LYZL2: variants seen among roughly 807,000 people sequenced by gnomAD.
LYZL2 encodes the protein lysozyme like 2.
LYZL2 carries 13 observed loss-of-function variants against 17.1 expected under a neutral mutation model. The ratio of observed to expected loss-of-function variants is 0.76; its 90% confidence interval spans 0.49 to 1.21. LYZL2 has a LOEUF of 1.21. LYZL2 is among the 50% of genes most tolerant of loss of function. The pLI is 0.00. For missense variants in LYZL2, 166 were observed against 189.2 expected, an observed-to-expected ratio of 0.88 and a Z score of 0.72; for synonymous variants, 63 against 74.4, an observed-to-expected ratio of 0.85 and a Z score of 0.79.
chr10:30,612,766 T>C lies in LYZL2; in HGVS notation c.377+56A>G, dbSNP rs1052166595. On this transcript the variant is annotated intron_variant, in intron 4 of 4. Transcript: ENST00000647634. ...TCAATTCCACCATAACTGTGATAAA[T>C]ACACACACTAGGTTTTGCCCATGAC... The C allele has an allele frequency of 2.2e-6, 3 of 1,345,562 alleles. No individual in the cohort carries two copies. In the African/African-American group the frequency reaches 4.4e-5, roughly 20 times the overall value. The allele number at this position is 1,345,562 out of a possible 1,614,324, so 83.4% of individuals were successfully genotyped here.
At position 30,629,745 on chromosome 10, in the gene LYZL2, T is replaced by C. The variant is rs113398875; in HGVS notation, c.-178A>G. 4.6e-5 allele frequency: 73 copies of C among 1,572,568 alleles called. 1 individual carries two copies. In the African/African-American group the frequency reaches 6.8e-4, roughly 15 times the overall value. ...TCTGATTCTAACAAGGCTCGAGTAATCCTTTCCTAGCTCAAGAACCTTTCT... is the reference window on the plus strand; with the variant it reads ...TCTGATTCTAACAAGGCTCGAGTAACCCTTTCCTAGCTCAAGAACCTTTCT... On this transcript the variant is annotated 5_prime_UTR_variant, in exon 1 of 5. Transcript: ENST00000647634.
In LYZL2 at chr10:30,629,586, G is replaced by C. The variant is rs536009319; in HGVS notation, c.-26+7C>G. ...AGGTGGCTTCATAAGAGTAATTTAG[G>C]TCTTACTGAAAAGGCAGATTCCTGG... On this transcript the variant is annotated splice_region_variant and intron_variant, in intron 1 of 4. Transcript: ENST00000647634. The C allele has an allele frequency of 3.8e-4, 618 of 1,613,784 alleles. 5 individuals are homozygous for C. In the South Asian group the frequency reaches 6.5e-3, roughly 17 times the overall value.
intron 3 of LYZL2, 112 bp from the exon 4 acceptor site, chr10:30,613,012 A>T: frequency 1.3e-6 from 1 of 754,786 alleles, no homozygotes; most frequent in Non-Finnish European, 2.2e-6. Flanking sequence ...GGTTGGAAGA[A>T]CTATAATTTT....
At chr10:30,615,722 A>T (rs1838517248) in intron 3 of LYZL2, among the ~76,000 whole-genome samples, 1 of 152,222 alleles carries the variant, frequency 6.6e-6, no homozygotes, top group African/African-American at 2.4e-5. Flanking sequence ...AATATAAAAA[A>T]TTGTAATTAA....
At chr10:30,625,555 T>C (rs1838688785) in intron 3 of LYZL2, among the ~76,000 whole-genome samples, 1 of 151,754 alleles carries the variant, frequency 6.6e-6, no homozygotes, top group African/African-American at 2.4e-5. Context: ...TAAAAATAGC[T>C]GGGCATATGC....
chr10:30,611,558 G>GGAAGGAAGGAAT (rs1838435693), downstream of LYZL2, among the ~76,000 whole-genome samples: 1 of 75,284 alleles, frequency 1.3e-5, no homozygotes, highest in Admixed American at 1.4e-4. Flanking sequence ...AAGGAAGGAA[G>GGAAGGAAGGAAT]GAAGGAAGGA....
At chr10:30,617,704 GA>G (rs1838556603) in intron 3 of LYZL2, among the ~76,000 whole-genome samples, 1 of 110,422 alleles carries the variant, frequency 9.1e-6, no homozygotes. Flanking sequence ...AAAAAGAAAA[GA>G]AAAAGAAAAA....
chr10:30,622,467 T>A (rs1329766369), intron 3 of LYZL2, among the ~76,000 whole-genome samples: 1 of 151,618 alleles, frequency 6.6e-6, no homozygotes, highest in Non-Finnish European at 1.5e-5. Context: ...AAGAATCACT[T>A]GAACCCAGGA....
chr10:30,610,187 C>A (rs1326015482), downstream of LYZL2, among the ~76,000 whole-genome samples: 1 of 151,744 alleles, frequency 6.6e-6, no homozygotes, highest in African/African-American at 2.4e-5. Flanking sequence ...TGTGTTGGGC[C>A]ACATTTAAAG....
At chr10:30,624,660 G>A (rs1004171746) in intron 3 of LYZL2, among the ~76,000 whole-genome samples, 2 of 152,194 alleles carry the variant, frequency 1.3e-5, no homozygotes, top group Admixed American at 6.5e-5. Flanking sequence ...TATACTCTAG[G>A]TGGCTAGAAC....
downstream of LYZL2, among the ~76,000 whole-genome samples, chr10:30,606,962 G>A (rs1248513023): frequency 6.7e-6 from 1 of 150,250 alleles, no homozygotes; most frequent in African/African-American, 2.5e-5. Flanking sequence ...TGCCCAGGCT[G>A]GAATGCAGTG....
rs551423112 is a variant in LYZL2, at chr10:30,629,511, C to G, written c.-26+82G>C. 5.3e-4 allele frequency: 744 copies of G among 1,405,442 alleles called. 3 individuals carry two copies. In the South Asian group the frequency reaches 7.7e-3, roughly 15 times the overall value. 87.1% of individuals were successfully genotyped at this position (1,405,442 alleles called of 1,614,324 possible). ...AACCCGTAGCAATGATAACCCCAAGCATCATGTTCTACATCCTTCAAGAAC... is the reference window on the plus strand; with the variant it reads ...AACCCGTAGCAATGATAACCCCAAGGATCATGTTCTACATCCTTCAAGAAC... On this transcript the variant is annotated intron_variant, in intron 1 of 4. Transcript: ENST00000647634.
At chr10:30,612,375 C>G (rs556364520) in intron 4 of LYZL2, among the ~76,000 whole-genome samples, 1 of 152,200 alleles carries the variant, frequency 6.6e-6, no homozygotes, top group Non-Finnish European at 1.5e-5. Flanking sequence ...ATGCTGGGGA[C>G]GCTTTCTGCT....
chr10:30,628,177 T>C (rs1430346897), intron 1 of LYZL2, among the ~76,000 whole-genome samples: 1 of 151,938 alleles, frequency 6.6e-6, no homozygotes, highest in African/African-American at 2.4e-5. Context: ...AAAAGATTCA[T>C]CGTTTGGGGG....
At chr10:30,628,202 A>G (rs1838750888) in intron 1 of LYZL2, among the ~76,000 whole-genome samples, 1 of 152,094 alleles carries the variant, frequency 6.6e-6, no homozygotes, top group Non-Finnish European at 1.5e-5. Flanking sequence ...TTGAAGGGTG[A>G]AGATTAAGCA....
chr10:30,626,503 C>A (rs1838709184), intron 2 of LYZL2, among the ~76,000 whole-genome samples: 1 of 152,146 alleles, frequency 6.6e-6, no homozygotes, highest in African/African-American at 2.4e-5. Flanking sequence ...ACAGTCAGGT[C>A]CCCCCACTCC....
intron 3 of LYZL2, among the ~76,000 whole-genome samples, chr10:30,620,386 C>T (rs1395432631): frequency 6.6e-6 from 1 of 152,230 alleles, no homozygotes; most frequent in Non-Finnish European, 1.5e-5. Flanking sequence ...CTTTGTTGTC[C>T]AATCTTCACG....
At chr10:30,612,565 T>A (rs1222486308) in intron 4 of LYZL2, among the ~76,000 whole-genome samples, 1 of 152,216 alleles carries the variant, frequency 6.6e-6, no homozygotes, top group Non-Finnish European at 1.5e-5. Flanking sequence ...AATACCTTTC[T>A]CCATTGTTTG....
intron 3 of LYZL2, among the ~76,000 whole-genome samples, chr10:30,624,587 T>A (rs1043800396): frequency 2.0e-5 from 3 of 152,246 alleles, no homozygotes; most frequent in African/African-American, 7.2e-5. Flanking sequence ...TTTGTTCTGT[T>A]TTCCAGCCAG....
Sources: allele counts gnomAD v4.1 joint callset (sites outside exome capture counted in the v4.1 genomes callset), GRCh38; gene constraint gnomAD v4.1.1; transcripts MANE v1.5; gene names NCBI Gene and HGNC (gene_info 2026-07-23, HGNC 2026-07-21).